Variants in MAP3K21 observed in about 807,000 individuals in gnomAD.
MAP3K21 encodes the protein mitogen-activated protein kinase kinase kinase 21, also known as mitogen-activated protein kinase kinase kinase MLK4.
MAP3K21 carries 63 observed loss-of-function variants against 86.1 expected under a neutral mutation model. The observed-to-expected ratio is 0.73, with a 90% CI of 0.60 to 0.90. The LOEUF (loss-of-function observed/expected upper bound fraction) is 0.90. MAP3K21 is among the 40% of genes least tolerant of loss of function. MAP3K21 has a pLI of 0.00. For missense variants in MAP3K21, 1,220 were observed against 1,367.7 expected (o/e 0.89, Z 1.70); for synonymous variants, 558 against 564.8 (o/e 0.99, Z 0.17).
In MAP3K21 at chr1:233,382,550, C is replaced by G. The variant is rs1347823723; in HGVS notation, c.2950C>G (p.Gln984Glu). Reference sequence around the variant, plus strand: ...GGGTCGCCCAGGACCACATCCCACCCAATTCCTCGCTGCCAAGGAGAGAAC... The same window carrying G: ...GGGTCGCCCAGGACCACATCCCACCGAATTCCTCGCTGCCAAGGAGAGAAC... ...VVGRPGPHPT[Q>E]FLAAKERTKS... Residue 984 changes from glutamine to glutamate, a missense_variant, in exon 10 of 10, where the codon CAA becomes GAA. Physicochemically the swap from Gln to Glu is conservative, Grantham distance 29 (BLOSUM62 2). This residue lies in a region of MAP3K21 where 632 missense variants were observed against 691.3 expected (regional missense o/e 0.91). Transcript: ENST00000366624. 7 of 1,614,076 alleles carry G rather than the reference C, an allele frequency of 4.3e-6. No homozygotes were observed. Among genetic ancestry groups the G allele is most frequent in the Non-Finnish European group, 5.9e-6 (7 of 1,180,042 alleles).
chr1:233,339,280 T>TGTTCTTCTTCC (rs1662979198), intron 1 of MAP3K21, among the ~76,000 whole-genome samples: 13 of 50,398 alleles, frequency 2.6e-4, no homozygotes, highest in African/African-American at 4.2e-4. Flanking sequence ...CTTCTTCTTC[T>TGTTCTTCTTCC]TCTTCTTCTT....
chr1:233,336,963 C>T (rs1662928614), intron 1 of MAP3K21, among the ~76,000 whole-genome samples: 1 of 152,176 alleles, frequency 6.6e-6, no homozygotes, highest in South Asian at 2.1e-4. Context: ...GCGTATGACT[C>T]TGGGAAAAGG....
At chr1:233,333,069 A>C (rs114657038) in intron 1 of MAP3K21, among the ~76,000 whole-genome samples, 2,337 of 152,342 alleles carry the variant, frequency 0.015, 54 homozygotes, top group African/African-American at 0.054. Context: ...CAAAAGGAAT[A>C]TAAATTTTGT....
chr1:233,375,881 G>A lies in MAP3K21; in HGVS notation c.1676-35G>A, dbSNP rs1429130410. 14 of 1,563,800 alleles carry A rather than the reference G, an allele frequency of 9.0e-6. No individual in the cohort carries two copies. In the Middle Eastern group the frequency reaches 8.5e-4, roughly 95 times the overall value. On this transcript the variant is annotated intron_variant, in intron 6 of 9. Coordinates refer to ENST00000366624, the MANE Select transcript of MAP3K21 (RefSeq NM_032435.3). ...AAAGCCAATATTGGTTAATATGATT[G>A]TTGTGGTTAATATGGTTAATAATGT...
intron 2 of MAP3K21, among the ~76,000 whole-genome samples, chr1:233,349,793 T>A (rs1663214302): frequency 6.6e-6 from 1 of 151,922 alleles, no homozygotes; most frequent in South Asian, 2.1e-4. Context: ...AAAAATTAGC[T>A]GGGTGTGGTG....
In MAP3K21 at chr1:233,338,447, G is replaced by T. The variant is rs530639701; in HGVS notation, c.806-7995G>T. On this transcript the variant is annotated intron_variant, in intron 1 of 9. Transcript: ENST00000366624. Reference sequence around the variant, plus strand: ...AGACATTAAGCAAAATAAATAATGTGTAGTATCTTGGAGAGTGGTAAGTGC... The same window carrying T: ...AGACATTAAGCAAAATAAATAATGTTTAGTATCTTGGAGAGTGGTAAGTGC... Among the ~76,000 whole-genome samples the T allele has an allele frequency of 3.9e-5, 6 of 152,298 alleles. No homozygotes were observed. In the South Asian group the frequency reaches 1.2e-3, roughly 32 times the overall value.
chr1:233,339,407 C>CCTCCTCCTTCTCCTCCTCCTT (rs1662991578), intron 1 of MAP3K21, among the ~76,000 whole-genome samples: 4 of 38,410 alleles, frequency 1.0e-4, no homozygotes, highest in Admixed American at 7.3e-4. Flanking sequence ...TTCTCCTCCT[C>CCTCCTCCTTCTCCTCCTCCTT]CTCCTCCTCC....
At position 233,328,969 on chromosome 1, in the gene MAP3K21, AG is replaced by A. The variant is rs1662762147; in HGVS notation, c.805+139del. 3.7e-6 allele frequency: 3 copies of A among 820,408 alleles called. No homozygotes were observed. Among genetic ancestry groups the A allele is most frequent in the South Asian group, 8.8e-5 (2 of 22,668 alleles). The allele number at this position is 820,408 out of a possible 1,614,324, so 50.8% of individuals were successfully genotyped here. ...AGCAGCAACTCATGCCCAGGCCTTC[AG>A]GGCTCGGAAGTCCAGCTAGTCCTTG... On this transcript the variant is annotated intron_variant, in intron 1 of 9. Transcript: ENST00000366624. The surrounding 1 kb of genome is among the most constrained non-coding windows in gnomAD (Gnocchi z 8.7).
At position 233,328,810 on chromosome 1, in the gene MAP3K21, A is replaced by C. The variant is rs753426624; in HGVS notation, c.782A>C (p.His261Pro). Reference protein sequence around the residue: ...LHEEAFVPILHRDLKSSNILL... With the variant: ...LHEEAFVPILPRDLKSSNILL... ...GAGGAGGCCTTCGTGCCCATCCTGC[A>C]CCGGGACCTCAAGTCCAGCAACAGT... Residue 261 changes from histidine (H) to proline (P), a missense_variant, in exon 1 of 10, where the codon CAC becomes CCC. Coordinates refer to ENST00000366624, the MANE Select transcript of MAP3K21 (RefSeq NM_032435.3). This position sits in a 1 kb window ranked among gnomAD's most constrained non-coding sequence, Gnocchi z 8.7. 6.5e-7 allele frequency: 1 copy of C among 1,536,164 alleles called. No homozygotes were observed. The highest frequency in any genetic ancestry group is 8.8e-7 in the Non-Finnish European group (1 of 1,140,298).
intron 1 of MAP3K21, among the ~76,000 whole-genome samples, chr1:233,337,080 G>A (rs953628522): frequency 6.6e-5 from 10 of 152,190 alleles, no homozygotes; most frequent in Non-Finnish European, 1.3e-4. Flanking sequence ...ATAGGGTGAC[G>A]TGAGGATTAA....
intron 5 of MAP3K21, among the ~76,000 whole-genome samples, chr1:233,369,082 T>C (rs989223312): frequency 2.6e-5 from 4 of 152,038 alleles, no homozygotes; most frequent in Non-Finnish European, 5.9e-5. Context: ...CTATAATCAT[T>C]AGCTGCTGTG....
rs75156645 is a variant in MAP3K21 at position 233,361,175 on chromosome 1, A to C, written c.1312-878A>C. Among the ~76,000 whole-genome samples, 1,396 of 152,340 alleles carry C rather than the reference A, an allele frequency of 9.2e-3. 8 individuals are homozygous for C. Among genetic ancestry groups the C allele is most frequent in the Non-Finnish European group, 0.014 (986 of 68,030 alleles). On this transcript the variant is annotated intron_variant, in intron 4 of 9. Transcript: ENST00000366624. The stretch of plus-strand genomic sequence containing the variant: ...GGGATATAATTTTAAAACTTTGTAG[A>C]GTCCTCAGTTTTACTGTTTAATAAT...
chr1:233,354,485 C>G lies in MAP3K21; in HGVS notation c.1136-351C>G, dbSNP rs148106599. ...TAGAGGCTTTGTTTGAGTTACATGACTCCATATCAGTAAATGATCTGGTTA... is the reference window on the plus strand; with the variant it reads ...TAGAGGCTTTGTTTGAGTTACATGAGTCCATATCAGTAAATGATCTGGTTA... On this transcript the variant is annotated intron_variant, in intron 3 of 9. Transcript: ENST00000366624. Among the ~76,000 whole-genome samples, 575 of 152,292 alleles carry G rather than the reference C, an allele frequency of 3.8e-3. 3 individuals are homozygous for G. The highest frequency in any genetic ancestry group is 0.012 in the African/African-American group (510 of 41,570).
At chr1:233,365,831 C>T (rs930803242) in intron 5 of MAP3K21, among the ~76,000 whole-genome samples, 9 of 151,994 alleles carry the variant, frequency 5.9e-5, no homozygotes, top group African/African-American at 2.2e-4. Flanking sequence ...CCAGGAATTC[C>T]ACTACCAGGT....
Position 233,327,729 on chromosome 1 carries a change from A to T in MAP3K21, c.-300A>T. On this transcript the variant is annotated 5_prime_UTR_variant, in exon 1 of 10. Coordinates refer to ENST00000366624, the MANE Select transcript of MAP3K21 (RefSeq NM_032435.3). ...CGGCTAGGGTGGGGTGGGGCGTCCC[A>T]GGCTCTGGCTAAGGAGCGCGCGGCG... 5 of 210,090 alleles carry T rather than the reference A, an allele frequency of 2.4e-5. No homozygotes were observed. Among genetic ancestry groups the T allele is most frequent in the Non-Finnish European group, 4.6e-5 (5 of 109,434 alleles). 13.0% of individuals were successfully genotyped at this position (210,090 alleles called of 1,614,324 possible).
chr1:233,353,110 T>A (rs918195409), intron 2 of MAP3K21, among the ~76,000 whole-genome samples: 1 of 152,156 alleles, frequency 6.6e-6, no homozygotes, highest in African/African-American at 2.4e-5. Flanking sequence ...CATGTGATGA[T>A]GCTTTGGAGA....
chr1:233,339,486 C>T (rs111285604), intron 1 of MAP3K21, among the ~76,000 whole-genome samples: 84 of 85,158 alleles, frequency 9.9e-4, no homozygotes, highest in South Asian at 2.1e-3. Context: ...TCTTCTTCTT[C>T]TTTTTTTTTT....
At chr1:233,331,991 A>G (rs943477035) in intron 1 of MAP3K21, among the ~76,000 whole-genome samples, 2 of 152,244 alleles carry the variant, frequency 1.3e-5, no homozygotes, top group Non-Finnish European at 2.9e-5. Context: ...AATACTTTAT[A>G]TAAGTCTACC....
intron 1 of MAP3K21, among the ~76,000 whole-genome samples, chr1:233,330,558 A>C (rs1049883500): frequency 6.6e-6 from 1 of 152,140 alleles, no homozygotes; most frequent in Admixed American, 6.5e-5. Context: ...GTCTGTTAGG[A>C]GTTTTCTGCA....
Sources: allele counts gnomAD v4.1 joint callset (sites outside exome capture counted in the v4.1 genomes callset), GRCh38; gene constraint gnomAD v4.1.1; regional missense constraint gnomAD v4.1.1; non-coding constraint Gnocchi (gnomAD v3.1); transcripts MANE v1.5; gene names NCBI Gene and HGNC (gene_info 2026-07-23, HGNC 2026-07-21).